Variants in GRID2 observed in about 807,000 individuals in gnomAD.
GRID2 encodes the protein glutamate receptor ionotropic, delta-2.
GRID2 carries 33 observed loss-of-function variants against 114.8 expected under a neutral mutation model. The observed-to-expected ratio is 0.29, with a 90% CI of 0.22 to 0.38. GRID2 has a LOEUF of 0.38. Among genes scored for constraint, GRID2 ranks in the 10% least tolerant of loss-of-function variants. The pLI is 1.00. For synonymous variants in GRID2, 505 were observed against 449.9 expected, an observed-to-expected ratio of 1.12 and a Z score of -1.55; for missense variants, 1,184 against 1,257.7, an observed-to-expected ratio of 0.94 and a Z score of 0.89.
chr4:92,611,131 C>G (rs1729722053), intron 2 of GRID2, among the ~76,000 whole-genome samples: 1 of 124,168 alleles, frequency 8.1e-6, no homozygotes, highest in Non-Finnish European at 1.7e-5. Context: ...TGTGTGTGTG[C>G]ATGTGTGTGT....
intron 5 of GRID2, among the ~76,000 whole-genome samples, chr4:93,208,088 G>C (rs987412712): frequency 6.6e-6 from 1 of 151,876 alleles, no homozygotes; most frequent in Non-Finnish European, 1.5e-5. Context: ...GGTCAGTCAT[G>C]GACAAATAAT....
intron 2 of GRID2, among the ~76,000 whole-genome samples, chr4:92,701,674 T>TA (rs950602092): frequency 1.3e-5 from 2 of 152,124 alleles, no homozygotes; most frequent in Admixed American, 6.5e-5. Flanking sequence ...ATATAAAGAA[T>TA]AAAAAAAGCC....
chr4:93,364,467 T>C (rs1273242552), intron 8 of GRID2, among the ~76,000 whole-genome samples: 2 of 152,190 alleles, frequency 1.3e-5, no homozygotes, highest in East Asian at 1.9e-4. Flanking sequence ...AAAAATCTTA[T>C]TTTGTTTTTA....
At chr4:93,754,678 G>T (rs1732599494) in intron 14 of GRID2, among the ~76,000 whole-genome samples, 1 of 152,150 alleles carries the variant, frequency 6.6e-6, no homozygotes, top group South Asian at 2.1e-4. Context: ...ATTCAAACAT[G>T]GGTAAATTGC....
chr4:92,753,507 C>T (rs970753803), intron 2 of GRID2, among the ~76,000 whole-genome samples: 10 of 152,154 alleles, frequency 6.6e-5, no homozygotes, highest in Admixed American at 4.6e-4. Flanking sequence ...CATAGAGTGG[C>T]GTTTGTTCAG....
chr4:93,678,178 T>G (rs368476277), intron 14 of GRID2, among the ~76,000 whole-genome samples: 1 of 151,776 alleles, frequency 6.6e-6, no homozygotes, highest in East Asian at 1.9e-4. Context: ...AGGGTATCAG[T>G]GATGGAAGAT....
intron 13 of GRID2, among the ~76,000 whole-genome samples, chr4:93,516,655 C>T (rs867690305): frequency 3.3e-5 from 5 of 151,844 alleles, no homozygotes; most frequent in East Asian, 1.9e-4. Context: ...TAATGGGGTT[C>T]GGGTTGAGAG....
intron 1 of GRID2, among the ~76,000 whole-genome samples, chr4:92,351,972 C>A (rs1294146313): frequency 6.6e-6 from 1 of 151,830 alleles, no homozygotes; most frequent in Non-Finnish European, 1.5e-5. Context: ...ATATGGGGGG[C>A]AGATATCATT....
At chr4:92,559,808 C>T (rs767220761) in intron 1 of GRID2, among the ~76,000 whole-genome samples, 10 of 152,136 alleles carry the variant, frequency 6.6e-5, no homozygotes, top group Non-Finnish European at 1.3e-4. Context: ...AAGCTGTTAG[C>T]AGTTACTGAA....
intron 1 of GRID2, among the ~76,000 whole-genome samples, chr4:92,507,619 T>C (rs994942172): frequency 6.6e-6 from 1 of 152,000 alleles, no homozygotes; most frequent in Admixed American, 6.6e-5. Flanking sequence ...GTAAAAACTC[T>C]CAATATTGTC....
chr4:92,750,512 G>T (rs1036901717), intron 2 of GRID2, among the ~76,000 whole-genome samples: 3 of 152,182 alleles, frequency 2.0e-5, no homozygotes, highest in Non-Finnish European at 4.4e-5. Context: ...TTAAGAGAAT[G>T]TGTGCTAGAA....
intron 4 of GRID2, among the ~76,000 whole-genome samples, chr4:93,127,369 C>T (rs568874325): frequency 3.9e-5 from 6 of 151,940 alleles, no homozygotes; most frequent in Non-Finnish European, 5.9e-5. Flanking sequence ...TTTTGACTTA[C>T]GATTTTTAGA....
chr4:93,217,781 A>T (rs1275597052), intron 6 of GRID2, among the ~76,000 whole-genome samples: 2 of 152,164 alleles, frequency 1.3e-5, no homozygotes, highest in Non-Finnish European at 1.5e-5. Flanking sequence ...GTATCACTGC[A>T]GTATAATGCT....
At chr4:93,555,604 A>G (rs562963865) in intron 13 of GRID2, among the ~76,000 whole-genome samples, 2 of 152,202 alleles carry the variant, frequency 1.3e-5, no homozygotes, top group African/African-American at 4.8e-5. Flanking sequence ...CAGCAACCCC[A>G]GTCAGGGGCT....
intron 13 of GRID2, among the ~76,000 whole-genome samples, chr4:93,618,149 T>C (rs1245830744): frequency 6.6e-6 from 1 of 152,326 alleles, no homozygotes; most frequent in African/African-American, 2.4e-5. Context: ...TTTCCGTCAA[T>C]TCATCTATTC....
chr4:93,397,042 A>G (rs1765397293), intron 9 of GRID2, among the ~76,000 whole-genome samples: 1 of 152,018 alleles, frequency 6.6e-6, no homozygotes, highest in Admixed American at 6.6e-5. Context: ...TGATACGTTG[A>G]TGCTAATTGG....
chr4:92,656,422 G>A (rs930623569), intron 2 of GRID2, among the ~76,000 whole-genome samples: 2 of 150,190 alleles, frequency 1.3e-5, no homozygotes, highest in Non-Finnish European at 3.0e-5. Context: ...ACAATGCTGA[G>A]AACAGTACAT....
intron 8 of GRID2, among the ~76,000 whole-genome samples, chr4:93,371,628 A>G (rs1210190538): frequency 1.3e-5 from 2 of 152,076 alleles, no homozygotes; most frequent in Non-Finnish European, 2.9e-5. Flanking sequence ...ATAATGTTAC[A>G]ATTCAAACTA....
chr4:93,130,997 A>G (rs953511838), intron 4 of GRID2, among the ~76,000 whole-genome samples: 2 of 152,078 alleles, frequency 1.3e-5, no homozygotes, highest in Non-Finnish European at 2.9e-5. Flanking sequence ...TAATCTTTAC[A>G]TTGGCTAAAT....
Sources: allele counts gnomAD v4.1 joint callset (sites outside exome capture counted in the v4.1 genomes callset), GRCh38; gene constraint gnomAD v4.1.1; transcripts MANE v1.5; gene names NCBI Gene and HGNC (gene_info 2026-07-23, HGNC 2026-07-21).